The following ASPH variants were observed in gnomAD, a reference collection of about 807,000 sequenced individuals.
The protein encoded by ASPH is aspartyl/asparaginyl beta-hydroxylase.
Under a neutral mutation model 118.4 loss-of-function variants are expected in ASPH, and 100 were observed. The observed-to-expected ratio is 0.84, with a 90% confidence interval of 0.72 to 1.00. The LOEUF is 1.00. Among genes scored for constraint, ASPH ranks in the 50% least tolerant of loss-of-function variants. The probability of loss-of-function intolerance (pLI) is 0.00; values close to 1 mark genes in which losing one functional copy is unlikely to be tolerated. For synonymous variants in ASPH, 315 were observed against 325.6 expected, an observed-to-expected ratio of 0.97 and a Z score of 0.35; for missense variants, 920 against 919.5, an observed-to-expected ratio of 1.00 and a Z score of -0.01.
intron 21 of ASPH, among the ~76,000 whole-genome samples, chr8:61,541,721 C>CA (rs776128052): frequency 1.3e-5 from 2 of 152,044 alleles, no homozygotes. Context: ...ATATAGTTCT[C>CA]AAAGTACAAT....
At chr8:61,641,213 T>G (rs865884756) in intron 10 of ASPH, among the ~76,000 whole-genome samples, 2 of 152,236 alleles carry the variant, frequency 1.3e-5, no homozygotes, top group Non-Finnish European at 2.9e-5. Flanking sequence ...CTCTGCCCTA[T>G]GAAAACATAT....
intron 14 of ASPH, among the ~76,000 whole-genome samples, chr8:61,616,027 A>T (rs764440171): frequency 1.5e-4 from 23 of 152,292 alleles, no homozygotes; most frequent in Admixed American, 9.2e-4. Flanking sequence ...ACATTGATTC[A>T]TTATTTCTTT....
intron 24 of ASPH, among the ~76,000 whole-genome samples, chr8:61,510,650 TG>T (rs1167084786): frequency 2.6e-5 from 4 of 152,228 alleles, no homozygotes; most frequent in African/African-American, 7.2e-5. Flanking sequence ...TGTACTCATG[TG>T]TAGGAACAGC....
chr8:61,500,595 G>A lies in ASPH; in HGVS notation c.*2764C>T, dbSNP rs747498217. 1 of 151,966 alleles carries A rather than the reference G, an allele frequency of 6.6e-6. No individual in the cohort carries two copies. The highest frequency in any genetic ancestry group is 1.5e-5 in the Non-Finnish European group (1 of 68,018). The allele number at this position is 151,966 out of a possible 1,614,324, so 9.4% of individuals were successfully genotyped here. A position where few individuals can be genotyped will look rare whatever the true frequency, so the allele number is the denominator to read the frequency against. ...TCATTTTATTTACCTAGTCTCCTTAGAAATGGAGTCCCCAACTACTCATTC... is the reference window on the plus strand; with the variant it reads ...TCATTTTATTTACCTAGTCTCCTTAAAAATGGAGTCCCCAACTACTCATTC... On this transcript the variant is annotated 3_prime_UTR_variant, in exon 25 of 25. Transcript: ENST00000379454.
Position 61,643,427 on chromosome 8 carries a change from C to T in ASPH, c.716G>A (p.Ser239Asn), listed in dbSNP as rs1213774386. Residue 239 changes from serine (S) to asparagine (N), a missense_variant, in exon 9 of 25, where the codon AGT becomes AAT. Ser to Asn is a conservative substitution (Grantham distance 46). Coordinates refer to ENST00000379454, the MANE Select transcript of ASPH (RefSeq NM_004318.4). ...TCTTTCATCTTCTACTACTGGTTCA[C>T]TGGAATCTAAAAAACAAAAACACAC... Reference protein sequence around the residue: ...MMSEQENPDSSEPVVEDERLH... With the variant: ...MMSEQENPDSNEPVVEDERLH... 1.2e-6 allele frequency: 2 copies of T among 1,603,870 alleles called. No homozygotes were observed. Among genetic ancestry groups the T allele is most frequent in the South Asian group, 2.2e-5 (2 of 90,898 alleles).
At chr8:61,665,558 T>C in intron 3 of ASPH, 1 of 1,592,902 alleles carries the variant, frequency 6.3e-7, no homozygotes, top group Non-Finnish European at 8.6e-7. Context: ...CTTCCTTGAC[T>C]CAGGTTTCTC....
intron 13 of ASPH, among the ~76,000 whole-genome samples, chr8:61,622,118 T>C (rs1239648840): frequency 6.6e-6 from 1 of 152,120 alleles, no homozygotes; most frequent in African/African-American, 2.4e-5. Flanking sequence ...GGCGGGCAGA[T>C]CACAAGGTCA....
chr8:61,661,064 T>C (rs1816646689), intron 3 of ASPH: 1 of 152,222 alleles, frequency 6.6e-6, no homozygotes, highest in African/African-American at 2.4e-5. Flanking sequence ...TGTCACAATA[T>C]TCTTTTAAAA....
At position 61,522,483 on chromosome 8, in the gene ASPH, C is replaced by G. The variant is rs544349716; in HGVS notation, c.1900+3494G>C. On this transcript the variant is annotated intron_variant, in intron 22 of 24. Transcript: ENST00000379454. ...CCCTAGTGATATGGTTTGGCTGCATCCCCACCCAAATCTCATCTTGAATTA... is the reference window on the plus strand; with the variant it reads ...CCCTAGTGATATGGTTTGGCTGCATGCCCACCCAAATCTCATCTTGAATTA... Among the ~76,000 whole-genome samples the G allele has an allele frequency of 6.6e-5, 10 of 152,176 alleles. No individual in the cohort carries two copies. The East Asian group carries it at 1.9e-3, about 29-fold the overall frequency.
intron 16 of ASPH, among the ~76,000 whole-genome samples, chr8:61,572,314 G>C (rs1199596608): frequency 1.3e-5 from 2 of 152,168 alleles, no homozygotes; most frequent in Admixed American, 1.3e-4. Flanking sequence ...TTGACCTCTA[G>C]GCAGAGCTGT....
chr8:61,691,659 T>C (rs1832683242), intron 1 of ASPH, among the ~76,000 whole-genome samples: 1 of 152,208 alleles, frequency 6.6e-6, no homozygotes, highest in Non-Finnish European at 1.5e-5. Context: ...TATGCTTTCA[T>C]ACTTAGACAC....
At position 61,673,686 on chromosome 8, in the gene ASPH, C is replaced by T. The variant is rs80174475; in HGVS notation, c.322+7282G>A. Among the ~76,000 whole-genome samples, 531 of 152,232 alleles carry T rather than the reference C, an allele frequency of 3.5e-3. 2 individuals are homozygous for T. The highest frequency in any genetic ancestry group is 0.021 in the Middle Eastern group (6 of 290). On this transcript the variant is annotated intron_variant, in intron 3 of 24. Coordinates refer to ENST00000379454, the MANE Select transcript of ASPH (RefSeq NM_004318.4). ...TTATGAAACAAAGTCAGAAAATACA[C>T]GCTTAGAAAATTAAGAATTTTAGCA... is the stretch of plus-strand genomic sequence containing the variant.
At chr8:61,554,227 G>A (rs377477819) in intron 19 of ASPH, among the ~76,000 whole-genome samples, 1 of 152,230 alleles carries the variant, frequency 6.6e-6, no homozygotes, top group African/African-American at 2.4e-5. Flanking sequence ...CCATCCCAAG[G>A]GGGGATCACT....
At chr8:61,674,238 T>A (rs1432733830) in intron 3 of ASPH, among the ~76,000 whole-genome samples, 2 of 152,154 alleles carry the variant, frequency 1.3e-5, no homozygotes, top group African/African-American at 2.4e-5. Flanking sequence ...CCTTTAGAAT[T>A]TAAACCTAAT....
At chr8:61,697,261 T>TA (rs887521075) in intron 1 of ASPH, among the ~76,000 whole-genome samples, 1 of 152,220 alleles carries the variant, frequency 6.6e-6, no homozygotes, top group Non-Finnish European at 1.5e-5. Context: ...ATTATAAGGA[T>TA]ATTGGGAAAA....
In ASPH at chr8:61,643,894, G is replaced by C. The variant is rs375637330; in HGVS notation, c.709+51C>G. 1.7e-5 allele frequency: 24 copies of C among 1,450,594 alleles called. No individual in the cohort carries two copies. The African/African-American group carries it at 3.1e-4, about 19-fold the overall frequency. The allele number at this position is 1,450,594 out of a possible 1,614,324, so 89.9% of individuals were successfully genotyped here. A position where few individuals can be genotyped will look rare whatever the true frequency, so the allele number is the denominator to read the frequency against. On this transcript the variant is annotated intron_variant, in intron 8 of 24. Transcript: ENST00000379454. ...TTAACCCTGGAATAAAACGGCCTTG[G>C]CCACTGCCTCAATCAGAAAACACAT...
intron 15 of ASPH, chr8:61,578,466 A>C: frequency 6.3e-7 from 1 of 1,591,024 alleles, no homozygotes; most frequent in Non-Finnish European, 8.6e-7. Context: ...GGTGGACCCC[A>C]ACATCCAGGC....
intron 1 of ASPH, among the ~76,000 whole-genome samples, chr8:61,691,583 C>T (rs1465976061): frequency 6.6e-6 from 1 of 152,304 alleles, no homozygotes; most frequent in Non-Finnish European, 1.5e-5. Flanking sequence ...ATGACAGCAA[C>T]ACGATACCCC....
intron 3 of ASPH, among the ~76,000 whole-genome samples, chr8:61,676,693 T>G (rs771953506): frequency 1.3e-5 from 2 of 152,104 alleles, no homozygotes; most frequent in Non-Finnish European, 2.9e-5. Flanking sequence ...AAAAAAGATA[T>G]ATACTCTGAC....
Sources: allele counts gnomAD v4.1 joint callset (sites outside exome capture counted in the v4.1 genomes callset), GRCh38; gene constraint gnomAD v4.1.1; transcripts MANE v1.5; gene names NCBI Gene and HGNC (gene_info 2026-07-23, HGNC 2026-07-21).